The following SEPTIN11 variants were observed in gnomAD, a reference collection of about 807,000 sequenced individuals.
SEPTIN11 encodes the protein septin-11.
SEPTIN11 carries 25 observed loss-of-function variants against 51.4 expected under a neutral mutation model. That is an observed-to-expected ratio of 0.49 (90% CI 0.35 to 0.68). SEPTIN11 has a LOEUF of 0.68. Ranked by LOEUF, SEPTIN11 falls within the 30% of genes least tolerant of loss-of-function variation. The pLI is 0.00. For missense variants in SEPTIN11, 381 were observed against 520.8 expected (o/e 0.73, Z 2.61); for synonymous variants, 174 against 184.1 (o/e 0.95, Z 0.44).
chr4:77,028,824 C>G (rs572019752), intron 8 of SEPTIN11, 63 bp downstream of exon 8: 11 of 1,538,430 alleles, frequency 7.2e-6, no homozygotes, highest in Non-Finnish European at 8.8e-7. Flanking sequence ...AAATACATCA[C>G]GCTTTAGAGG....
Position 76,996,535 on chromosome 4 carries a change from T to G in SEPTIN11, c.138T>G (p.Cys46Trp). The G allele has an allele frequency of 6.2e-7, 1 of 1,610,592 alleles. No homozygotes were observed. The highest frequency in any genetic ancestry group is 8.5e-7 in the Non-Finnish European group (1 of 1,176,848). ...AAGGATTCTGTTTCAACATCCTTTG[T>G]GTTGGTAAGTTATTCATCACCCCAC... Reference protein sequence around the residue: ...TSQGFCFNILCVGETGIGKST... With the variant: ...TSQGFCFNILWVGETGIGKST... Residue 46 changes from cysteine to tryptophan, a missense_variant, in exon 2 of 10, where the codon TGT (cysteine) becomes TGG (tryptophan). Physicochemically the swap from Cys to Trp is radical, Grantham distance 215 (BLOSUM62 -2). Coordinates refer to ENST00000264893, the MANE Select transcript of SEPTIN11 (RefSeq NM_018243.4).
At chr4:77,001,676 C>T (rs1724133099) in intron 2 of SEPTIN11, among the ~76,000 whole-genome samples, 1 of 152,152 alleles carries the variant, frequency 6.6e-6, no homozygotes, top group Non-Finnish European at 1.5e-5. Flanking sequence ...TAAATGTCTC[C>T]TTTGTGCCAG....
At chr4:76,992,068 G>T (rs1341479665) in intron 1 of SEPTIN11, among the ~76,000 whole-genome samples, 4 of 152,172 alleles carry the variant, frequency 2.6e-5, no homozygotes, top group African/African-American at 9.6e-5. Flanking sequence ...CAAATGCAGG[G>T]CTAAATCAAT....
At chr4:76,955,421 G>C (rs1266509393) in intron 1 of SEPTIN11, among the ~76,000 whole-genome samples, 1 of 152,300 alleles carries the variant, frequency 6.6e-6, no homozygotes, top group East Asian at 1.9e-4. Flanking sequence ...GTGAGGGAGA[G>C]ACTCTTAAGA....
At chr4:76,997,962 G>C (rs534539955) in intron 2 of SEPTIN11, among the ~76,000 whole-genome samples, 1 of 152,090 alleles carries the variant, frequency 6.6e-6, no homozygotes, top group Admixed American at 6.5e-5. Context: ...TGCAGGGGAC[G>C]GTAGGGGAAA....
At chr4:76,995,466 A>G (rs1723642677) in intron 1 of SEPTIN11, among the ~76,000 whole-genome samples, 1 of 152,180 alleles carries the variant, frequency 6.6e-6, no homozygotes. Flanking sequence ...GGACTCCAGT[A>G]TTTTGAATAT....
intron 1 of SEPTIN11, among the ~76,000 whole-genome samples, chr4:76,953,963 A>G (rs1721454263): frequency 6.6e-6 from 1 of 152,220 alleles, no homozygotes; most frequent in Non-Finnish European, 1.5e-5. Flanking sequence ...CCCATCTTGT[A>G]TAAACTGCCA....
At chr4:76,987,470 T>G (rs1422755750) in intron 1 of SEPTIN11, among the ~76,000 whole-genome samples, 1 of 152,218 alleles carries the variant, frequency 6.6e-6, no homozygotes, top group Non-Finnish European at 1.5e-5. Context: ...CCAGCAATGC[T>G]TAGCTTTGAA....
chr4:76,949,772 CA>C lies in SEPTIN11; in HGVS notation c.-131del, dbSNP rs1721227276. On this transcript the variant is annotated 5_prime_UTR_variant, in exon 1 of 10. The change abolishes the stop of an existing upstream ORF in the 5' untranslated region. Transcript: ENST00000264893. The stretch of plus-strand genomic sequence containing the variant: ...GGGGGGAGCAGATGCCGCTGGCTGC[CA>C]GCGGGACGCCGGCGAGCAGAGCGCA... The C allele has an allele frequency of 3.1e-6, 3 of 973,864 alleles. No individual in the cohort carries two copies. Among genetic ancestry groups the C allele is most frequent in the Non-Finnish European group, 4.4e-6 (3 of 683,454 alleles). 60.3% of individuals were successfully genotyped at this position (973,864 alleles called of 1,614,324 possible). A position where few individuals can be genotyped will look rare whatever the true frequency, so the allele number is the denominator to read the frequency against.
chr4:77,023,067 C>T (rs1299974350), intron 7 of SEPTIN11, among the ~76,000 whole-genome samples: 1 of 152,082 alleles, frequency 6.6e-6, no homozygotes, highest in Non-Finnish European at 1.5e-5. Flanking sequence ...CTGGGTAGGC[C>T]CAGCAGGGCT....
At chr4:76,977,422 A>G (rs1722553470) in intron 1 of SEPTIN11, among the ~76,000 whole-genome samples, 1 of 152,202 alleles carries the variant, frequency 6.6e-6, no homozygotes, top group African/African-American at 2.4e-5. Context: ...GCCTTCAGAA[A>G]TGGGGGTCTA....
Position 77,005,671 on chromosome 4 carries a change from T to A in SEPTIN11, c.213T>A (p.Ala71=), listed in dbSNP as rs758761711. ...ACACCAAATTTGAAAGTGACCCAGC[T>A]ACTCACAATGAACCAGGTGTTCGGT... ...LFNTKFESDP[A]THNEPGVRLK... Residue 71 remains alanine (A), a synonymous_variant, in exon 3 of 10, where the codon GCT becomes GCA. Transcript: ENST00000264893. The A allele has an allele frequency of 6.2e-7, 1 of 1,614,116 alleles. No individual in the cohort carries two copies. The highest frequency in any genetic ancestry group is 2.2e-5 in the East Asian group (1 of 44,884).
chr4:76,973,450 A>G (rs1309110367), intron 1 of SEPTIN11, among the ~76,000 whole-genome samples: 1 of 152,202 alleles, frequency 6.6e-6, no homozygotes, highest in Non-Finnish European at 1.5e-5. Flanking sequence ...AGCGCAGCAC[A>G]AGGGAGGCAG....
chr4:77,030,953 A>G lies in SEPTIN11; in HGVS notation c.1257A>G (p.Lys419=). The change falls in exon 9 of 10, where the codon AAA becomes AAG. Residue 419 remains lysine, a synonymous_variant. Coordinates refer to ENST00000264893, the MANE Select transcript of SEPTIN11 (RefSeq NM_018243.4). ...AATCTGGGGCCCAGCAAACCAAGAA[A>G]GACAAGGATAAGAAAAAGTAAGCAG... ...AQQSGAQQTK[K]DKDKKNASFT 1 of 1,603,540 alleles carries G rather than the reference A, an allele frequency of 6.2e-7. No homozygotes were observed. Among genetic ancestry groups the G allele is most frequent in the Non-Finnish European group, 8.5e-7 (1 of 1,177,798 alleles).
intron 1 of SEPTIN11, among the ~76,000 whole-genome samples, chr4:76,980,711 C>T (rs928177234): frequency 6.6e-6 from 1 of 152,188 alleles, no homozygotes; most frequent in Non-Finnish European, 1.5e-5. Context: ...TTTCCCTTAG[C>T]TTGCCATTCA....
chr4:76,975,038 G>T (rs1247764547), intron 1 of SEPTIN11, among the ~76,000 whole-genome samples: 1 of 150,742 alleles, frequency 6.6e-6, no homozygotes, highest in Admixed American at 6.6e-5. Context: ...CATGAGAATT[G>T]CTTGAACCCA....
chr4:77,020,727 G>A, intron 7 of SEPTIN11, 57 bp downstream of exon 7: 2 of 1,517,876 alleles, frequency 1.3e-6, no homozygotes, highest in Non-Finnish European at 1.8e-6. Context: ...GTGGCATGGT[G>A]GTACATCACA....
At position 76,984,104 on chromosome 4, in the gene SEPTIN11, T is replaced by G. The variant is rs1357317849; in HGVS notation, c.28-12321T>G. ...TTTGTAGAGCAAGACCAGATGTTAATTGGTATGTTTATTTCCTCAATATGT... is the reference window on the plus strand; with the variant it reads ...TTTGTAGAGCAAGACCAGATGTTAAGTGGTATGTTTATTTCCTCAATATGT... On this transcript the variant is annotated intron_variant, in intron 1 of 9. Coordinates refer to ENST00000264893, the MANE Select transcript of SEPTIN11 (RefSeq NM_018243.4). This position sits in a 1 kb window ranked among gnomAD's most constrained non-coding sequence, Gnocchi z 4.1. Among the ~76,000 whole-genome samples, 1 of 152,244 alleles carries G rather than the reference T, an allele frequency of 6.6e-6. No individual in the cohort carries two copies. The highest frequency in any genetic ancestry group is 1.5e-5 in the Non-Finnish European group (1 of 68,036).
rs1442195823 is a variant in SEPTIN11, at chr4:76,996,511, A to G, written c.114A>G (p.Gln38=). 1 of 1,613,986 alleles carries G rather than the reference A, an allele frequency of 6.2e-7. No homozygotes were observed. Among genetic ancestry groups the G allele is most frequent in the South Asian group, 1.1e-5 (1 of 91,066 alleles). ...PDQLVNKSTS[Q]GFCFNILCVG... ...AGCTGGTCAACAAGTCTACTTCTCA[A>G]GGATTCTGTTTCAACATCCTTTGTG... The change falls in exon 2 of 10, where the codon CAA becomes CAG. Residue 38 remains glutamine, a synonymous_variant. Transcript: ENST00000264893.
Sources: gnomAD v4.1 joint callset for allele counts (sites outside exome capture counted in the v4.1 genomes callset) on GRCh38, gnomAD v4.1.1 for gene constraint, Gnocchi (gnomAD v3.1) non-coding constraint, MANE v1.5 for transcripts, NCBI Gene and HGNC (gene_info 2026-07-23, HGNC 2026-07-21) for gene names.